PDE8B: variants seen among roughly 807,000 people sequenced by gnomAD.
PDE8B encodes the protein phosphodiesterase 8B.
Under a neutral mutation model 101.3 loss-of-function variants are expected in PDE8B, and 26 were observed. The ratio of observed to expected loss-of-function variants is 0.26; its 90% confidence interval spans 0.19 to 0.36. The LOEUF (loss-of-function observed/expected upper bound fraction) is 0.36, where lower values mean the gene tolerates loss of function less well. Among genes scored for constraint, PDE8B ranks in the 10% least tolerant of loss-of-function variants. The pLI, the probability that PDE8B is intolerant of heterozygous loss-of-function variation, is 1.00. For missense variants in PDE8B, 810 were observed against 1,163.1 expected, an observed-to-expected ratio of 0.70 and a Z score of 4.42; for synonymous variants, 424 against 429.3, an observed-to-expected ratio of 0.99 and a Z score of 0.15.
At chr5:77,399,018 G>A (rs925642480) in intron 10 of PDE8B, among the ~76,000 whole-genome samples, 1 of 152,234 alleles carries the variant, frequency 6.6e-6, no homozygotes, top group Non-Finnish European at 1.5e-5. Context: ...CTTATGAACA[G>A]AAGCCACGTC....
chr5:77,234,721 C>T (rs1337855564), intron 1 of PDE8B, among the ~76,000 whole-genome samples: 2 of 152,168 alleles, frequency 1.3e-5, no homozygotes, highest in African/African-American at 4.8e-5. Flanking sequence ...AGACCCCTGA[C>T]GTCCAGACCA....
At chr5:77,135,510 G>A in the PDE8B span, among the ~76,000 whole-genome samples, 1 of 133,514 alleles carries the variant, frequency 7.5e-6, no homozygotes, top group Non-Finnish European at 1.5e-5. Context: ...ACGGAGTCTC[G>A]CTGTGGCCCA....
chr5:77,369,357 A>G (rs888923832), intron 10 of PDE8B, among the ~76,000 whole-genome samples: 3 of 152,118 alleles, frequency 2.0e-5, no homozygotes, highest in South Asian at 2.1e-4. Flanking sequence ...TGACTGTTCC[A>G]TGAATTCCAA....
chr5:77,357,535 A>G (rs1270321557), intron 10 of PDE8B, among the ~76,000 whole-genome samples: 3 of 152,166 alleles, frequency 2.0e-5, no homozygotes, highest in Non-Finnish European at 4.4e-5. Context: ...ACTGCCCCAC[A>G]GTTCTCACCA....
intron 11 of PDE8B, among the ~76,000 whole-genome samples, chr5:77,400,908 T>G (rs1280229286): frequency 1.3e-5 from 2 of 152,168 alleles, no homozygotes; most frequent in Non-Finnish European, 2.9e-5. Flanking sequence ...AAGTTAAGAT[T>G]TTTGTGCCTG....
At chr5:77,410,692 T>TCAG (rs1794392785) in intron 14 of PDE8B, 2 of 152,228 alleles carry the variant, frequency 1.3e-5, no homozygotes, top group Non-Finnish European at 2.9e-5. Flanking sequence ...CTGTTGTTAC[T>TCAG]TCTGTATTTA....
Position 77,331,237 on chromosome 5 carries a change from TGGG to T in PDE8B, c.651-163_651-161del. The T allele has an allele frequency of 1.9e-5, 14 of 744,588 alleles. No homozygotes were observed. The South Asian group carries it at 1.9e-4, about 10-fold the overall frequency. 46.1% of individuals were successfully genotyped at this position (744,588 alleles called of 1,614,324 possible). A position where few individuals can be genotyped will look rare whatever the true frequency, so the allele number is the denominator to read the frequency against. ...TCTTTTTGCATCTGGAAGGTAGATG[TGGG>T]GTCTGTATCCTTGAAGGCAGGTGTG... On this transcript the variant is annotated intron_variant, in intron 4 of 21. Transcript: ENST00000264917.
chr5:77,200,419 C>T, the PDE8B span, among the ~76,000 whole-genome samples: 1 of 152,174 alleles, frequency 6.6e-6, no homozygotes, highest in African/African-American at 2.4e-5. Context: ...TAGCCCCACT[C>T]CCACATCTCA....
intron 18 of PDE8B, among the ~76,000 whole-genome samples, chr5:77,419,197 A>G (rs1280047196): frequency 6.6e-6 from 1 of 152,260 alleles, no homozygotes; most frequent in Non-Finnish European, 1.5e-5. Context: ...ATTTTATTCA[A>G]GAGCCATTCT....
intron 1 of PDE8B, among the ~76,000 whole-genome samples, chr5:77,266,019 G>A (rs251431): frequency 3.3e-5 from 5 of 152,100 alleles, no homozygotes; most frequent in Non-Finnish European, 7.3e-5. Context: ...CAGGAAAAAA[G>A]GGGTGCTCAC....
At chr5:77,189,464 C>T in the PDE8B span, among the ~76,000 whole-genome samples, 1 of 152,282 alleles carries the variant, frequency 6.6e-6, no homozygotes, top group Non-Finnish European at 1.5e-5. Context: ...GGGTGGGGAA[C>T]ATTGCCATAG....
chr5:77,382,199 G>T (rs2150810088), intron 10 of PDE8B, among the ~76,000 whole-genome samples: 1 of 152,216 alleles, frequency 6.6e-6, no homozygotes, highest in African/African-American at 2.4e-5. Flanking sequence ...TTAGCATGTT[G>T]CTTGATCATA....
At chr5:77,113,190 C>CA in the PDE8B span, 7 of 151,986 alleles carry the variant, frequency 4.6e-5, no homozygotes, top group Non-Finnish European at 7.4e-5. Context: ...CATATGGAAC[C>CA]AAAAAAGAGC....
chr5:77,337,119 T>C (rs937081108), intron 5 of PDE8B, 108 bp from the exon 6 acceptor site: 8 of 702,020 alleles, frequency 1.1e-5, no homozygotes, highest in Non-Finnish European at 2.1e-5. Context: ...ACTAATTGTC[T>C]TATATAACGG....
intron 10 of PDE8B, among the ~76,000 whole-genome samples, chr5:77,386,359 G>T (rs1030609370): frequency 1.3e-5 from 2 of 152,106 alleles, no homozygotes; most frequent in African/African-American, 4.8e-5. Flanking sequence ...GTTGATCTGT[G>T]TAATATTGAC....
chr5:77,338,075 C>T (rs1019823698), intron 6 of PDE8B, among the ~76,000 whole-genome samples: 2 of 152,202 alleles, frequency 1.3e-5, no homozygotes, highest in East Asian at 1.9e-4. Context: ...TGGGCCACTG[C>T]GGGGCCCAGT....
chr5:77,359,018 T>C (rs901060487), intron 10 of PDE8B, among the ~76,000 whole-genome samples: 12 of 152,162 alleles, frequency 7.9e-5, no homozygotes, highest in East Asian at 7.7e-4. Context: ...CATTTTTTTT[T>C]CCTGAGAAAC....
intron 1 of PDE8B, among the ~76,000 whole-genome samples, chr5:77,230,483 T>C (rs561253539): frequency 2.8e-4 from 42 of 152,308 alleles, no homozygotes; most frequent in African/African-American, 9.6e-4. Context: ...CTATTTTATT[T>C]TGAGATGGAA....
rs956451592 is a variant in PDE8B, at chr5:77,211,084, C to G, written c.159C>G (p.Ile53Met). 2 of 1,495,056 alleles carry G rather than the reference C, an allele frequency of 1.3e-6. No homozygotes were observed. The highest frequency in any genetic ancestry group is 2.9e-5 in the African/African-American group (2 of 68,920). 92.6% of individuals were successfully genotyped at this position (1,495,056 alleles called of 1,614,324 possible). Residue 53 changes from isoleucine (I) to methionine (M), a missense_variant, in exon 1 of 22, where the codon ATC (isoleucine) becomes ATG (methionine). Ile to Met is a conservative substitution (Grantham distance 10, BLOSUM62 1). Transcript: ENST00000264917. The surrounding 1 kb of genome is among the most constrained non-coding windows in gnomAD (Gnocchi z 4.1). ...TCCAGACCGACGCCGCCGACGCCATCCCCCCGAGCCGCGCGTCGGGACCCC... is the reference window on the plus strand; with the variant it reads ...TCCAGACCGACGCCGCCGACGCCATGCCCCCGAGCCGCGCGTCGGGACCCC... Reference protein sequence around the residue: ...LFVQTDAADAIPPSRASGPPS... With the variant: ...LFVQTDAADAMPPSRASGPPS...
Sources: gnomAD v4.1 joint callset for allele counts (sites outside exome capture counted in the v4.1 genomes callset) on GRCh38, gnomAD v4.1.1 for gene constraint, Gnocchi (gnomAD v3.1) non-coding constraint, MANE v1.5 for transcripts, NCBI Gene and HGNC (gene_info 2026-07-23, HGNC 2026-07-21) for gene names.